TNS3: variants seen among roughly 807,000 people sequenced by gnomAD.
TNS3 encodes the protein tensin 3.
Under a neutral mutation model 140.9 loss-of-function variants are expected in TNS3, and 45 were observed. The ratio of observed to expected loss-of-function variants is 0.32; its 90% confidence interval spans 0.25 to 0.41. The LOEUF (loss-of-function observed/expected upper bound fraction) is 0.41, where lower values mean the gene tolerates loss of function less well. TNS3 is among the 10% of genes least tolerant of loss of function. The pLI is 1.00. For missense variants in TNS3, 1,716 were observed against 1,906.7 expected (o/e 0.90, Z 1.86); for synonymous variants, 815 against 788.4 (o/e 1.03, Z -0.56).
At chr7:47,562,339 G>A (rs1800333303) in intron 1 of TNS3, among the ~76,000 whole-genome samples, 1 of 151,418 alleles carries the variant, frequency 6.6e-6, no homozygotes, top group East Asian at 1.9e-4. Context: ...TTGGTCAAAG[G>A]TGGATAAACA....
chr7:47,527,401 A>G lies in TNS3; in HGVS notation c.-153+1635T>C, dbSNP rs112902751. Among the ~76,000 whole-genome samples the G allele has an allele frequency of 2.8e-4, 42 of 152,290 alleles. 1 individual carries two copies. The highest frequency in any genetic ancestry group is 9.6e-4 in the African/African-American group (40 of 41,574). ...ATGTGGGACACAGAGGGGCTGCTGT[A>G]TTTGCCCACAGACATTTTAGAGCAA... On this transcript the variant is annotated intron_variant, in intron 2 of 30. Transcript: ENST00000311160.
At chr7:47,430,336 G>A (rs149999581) in intron 8 of TNS3, among the ~76,000 whole-genome samples, 1 of 151,964 alleles carries the variant, frequency 6.6e-6, no homozygotes, top group Non-Finnish European at 1.5e-5. Flanking sequence ...CTCCATGTTA[G>A]TCAGGCTGAT....
At chr7:47,306,354 A>G (rs1368528492) in intron 20 of TNS3, among the ~76,000 whole-genome samples, 1 of 152,176 alleles carries the variant, frequency 6.6e-6, no homozygotes, top group African/African-American at 2.4e-5. Context: ...AAAAAAATTG[A>G]TCTCTACAGA....
intron 3 of TNS3, among the ~76,000 whole-genome samples, chr7:47,494,773 G>T (rs944082665): frequency 1.3e-5 from 2 of 152,022 alleles, no homozygotes; most frequent in Non-Finnish European, 2.9e-5. Flanking sequence ...CGCCCCGCGA[G>T]CTATTTCTGT....
intron 1 of TNS3, among the ~76,000 whole-genome samples, chr7:47,549,712 C>T (rs776961440): frequency 4.6e-5 from 7 of 152,204 alleles, no homozygotes; most frequent in Non-Finnish European, 1.0e-4. Flanking sequence ...TTACAGTCAT[C>T]GGGTATGAAA....
chr7:47,475,906 T>C (rs1797179042), intron 4 of TNS3, among the ~76,000 whole-genome samples: 1 of 152,094 alleles, frequency 6.6e-6, no homozygotes, highest in African/African-American at 2.4e-5. Context: ...ACAGGAATCA[T>C]CTACTGTGTC....
intron 1 of TNS3, among the ~76,000 whole-genome samples, chr7:47,566,518 G>T (rs1800431910): frequency 6.6e-6 from 1 of 152,200 alleles, no homozygotes; most frequent in South Asian, 2.1e-4. Context: ...AAAAGGGATT[G>T]CTAAGTAACA....
In TNS3 at chr7:47,384,535, A is replaced by C. The variant is rs1465357954; in HGVS notation, c.1024+12265T>G. Among the ~76,000 whole-genome samples, 22 of 152,000 alleles carry C rather than the reference A, an allele frequency of 1.4e-4. 1 individual carries two copies. The highest frequency in any genetic ancestry group is 1.4e-3 in the Admixed American group (22 of 15,274). Reference sequence around the variant, plus strand: ...ACATTTTATTGAGGCCCTGGCCTTGACTCTTTGGACTTTAGATAACTTTCT... The same window carrying C: ...ACATTTTATTGAGGCCCTGGCCTTGCCTCTTTGGACTTTAGATAACTTTCT... On this transcript the variant is annotated intron_variant, in intron 16 of 30. Transcript: ENST00000311160.
At chr7:47,349,393 A>G (rs1173439767) in intron 17 of TNS3, among the ~76,000 whole-genome samples, 1 of 152,246 alleles carries the variant, frequency 6.6e-6, no homozygotes, top group Non-Finnish European at 1.5e-5. Flanking sequence ...ACTTCTCAGT[A>G]TCCTGCCACT....
At chr7:47,386,409 T>C (rs1029437873) in intron 16 of TNS3, among the ~76,000 whole-genome samples, 1 of 152,216 alleles carries the variant, frequency 6.6e-6, no homozygotes, top group Non-Finnish European at 1.5e-5. Context: ...TCTCGGGCCC[T>C]AGGGATTTAA....
At chr7:47,307,121 T>C (rs1253352451) in intron 20 of TNS3, among the ~76,000 whole-genome samples, 1 of 152,220 alleles carries the variant, frequency 6.6e-6, no homozygotes, top group Non-Finnish European at 1.5e-5. Flanking sequence ...GAAACCATCA[T>C]CATGATTGAG....
At chr7:47,551,318 G>T (rs1800055358) in intron 1 of TNS3, among the ~76,000 whole-genome samples, 1 of 152,228 alleles carries the variant, frequency 6.6e-6, no homozygotes, top group Non-Finnish European at 1.5e-5. Flanking sequence ...CGTCCTGAAG[G>T]TGGAGGCCCA....
chr7:47,303,069 G>A lies in TNS3; in HGVS notation c.3338C>T (p.Ser1113Leu), dbSNP rs755316176. 21 of 1,614,108 alleles carry A rather than the reference G, an allele frequency of 1.3e-5. No individual in the cohort carries two copies. Among genetic ancestry groups the A allele is most frequent in the Non-Finnish European group, 1.7e-5 (20 of 1,180,044 alleles). The change falls in exon 22 of 31, where the codon TCA becomes TTA. Residue 1113 changes from serine (S) to leucine (L), a missense_variant. By Grantham distance (145) the Ser-to-Leu change is moderately radical. Transcript: ENST00000311160. ...RASEGDRSLG[S>L]VSPSSSGFSS... ...GAAGCCACTGGAGGAGGGAGAGACT[G>A]AGCCCAAAGAACGATCCCCCTCCGA... is the stretch of plus-strand genomic sequence containing the variant.
intron 16 of TNS3, among the ~76,000 whole-genome samples, chr7:47,375,247 T>C (rs893182909): frequency 6.6e-6 from 1 of 152,058 alleles, no homozygotes; most frequent in Non-Finnish European, 1.5e-5. Context: ...GGGTAAATCA[T>C]CCCATTCGGT....
chr7:47,391,955 C>T (rs1584550224), intron 16 of TNS3, among the ~76,000 whole-genome samples: 1 of 152,312 alleles, frequency 6.6e-6, no homozygotes, highest in South Asian at 2.1e-4. Context: ...GCCACAGCTG[C>T]CATCGCCGAC....
intron 2 of TNS3, among the ~76,000 whole-genome samples, chr7:47,517,494 C>T (rs562810581): frequency 6.6e-6 from 1 of 152,328 alleles, no homozygotes; most frequent in African/African-American, 2.4e-5. Context: ...TGTAAAGATA[C>T]AAAGCTAACC....
At chr7:47,569,527 G>A (rs371698879) in intron 1 of TNS3, among the ~76,000 whole-genome samples, 1 of 151,170 alleles carries the variant, frequency 6.6e-6, no homozygotes. Flanking sequence ...CTGGGCAACA[G>A]AGTGAGATTC....
chr7:47,297,792 T>G (rs10238502), intron 23 of TNS3, among the ~76,000 whole-genome samples: 44,152 of 149,138 alleles, frequency 0.3, 6,721 homozygotes, highest in South Asian at 0.34. Flanking sequence ...GAAGTTTTTT[T>G]TTTTTTTTTT....
chr7:47,275,557 C>T lies in TNS3; in HGVS notation c.*2519G>A, dbSNP rs576151603. ...GTTCCTTTTCCTGTGGCCCTAGAGC[C>T]GGTGTCCACGGTGGGGGCTCTCTCA... On this transcript the variant is annotated 3_prime_UTR_variant, in exon 31 of 31. Coordinates refer to ENST00000311160, the MANE Select transcript of TNS3 (RefSeq NM_022748.12). 82 of 324,738 alleles carry T rather than the reference C, an allele frequency of 2.5e-4. No individual in the cohort carries two copies. Among genetic ancestry groups the T allele is most frequent in the African/African-American group, 6.3e-4 (29 of 46,026 alleles). 20.1% of individuals were successfully genotyped at this position (324,738 alleles called of 1,614,324 possible).
Sources: allele counts gnomAD v4.1 joint callset (sites outside exome capture counted in the v4.1 genomes callset), GRCh38; gene constraint gnomAD v4.1.1; transcripts MANE v1.5; gene names NCBI Gene and HGNC (gene_info 2026-07-23, HGNC 2026-07-21).